The following PGK1 variants were observed in gnomAD, a reference collection of about 807,000 sequenced individuals.
PGK1 encodes PRP 2.
Under a neutral mutation model 26.9 loss-of-function variants are expected in PGK1, and 3 were observed. The ratio of observed to expected loss-of-function variants is 0.11; its 90% CI spans 0.05 to 0.29. PGK1 has a LOEUF of 0.29. Ranked by LOEUF, PGK1 falls within the 10% of genes least tolerant of loss-of-function variation. The probability of loss-of-function intolerance (pLI) is 1.00; values close to 1 mark genes in which losing one functional copy is unlikely to be tolerated. For missense variants in PGK1, 270 were observed against 314.7 expected (o/e 0.86, Z 1.07); for synonymous variants, 125 against 115.3 (o/e 1.08, Z -0.54).
Position 78,128,400 on chromosome X carries a change from G to A in PGK1, c.*2570G>A, listed in dbSNP as rs2078392482. On this transcript the variant is annotated 3_prime_UTR_variant, in exon 11 of 11. Coordinates refer to ENST00000373316, the MANE Select transcript of PGK1 (RefSeq NM_000291.4). ...TCTACCAAAAATACAAAAATTAGCC[G>A]GGCGTGGTGGCGTGTGCCACTGTAG... is the stretch of plus-strand genomic sequence containing the variant. 1 of 112,497 alleles carries A rather than the reference G, an allele frequency of 8.9e-6. No homozygotes were observed. Among genetic ancestry groups the A allele is most frequent in the African/African-American group, 3.2e-5 (1 of 30,888 alleles). The allele number at this position is 112,497 out of a possible 1,213,427, so 9.3% of individuals were successfully genotyped here.
At chrX:78,107,897 T>G (rs929534206) in intron 1 of PGK1, among the ~76,000 whole-genome samples, 1 of 109,771 alleles carries the variant, frequency 9.1e-6, no homozygotes, top group Non-Finnish European at 1.9e-5. Flanking sequence ...TTTTTCGTTC[T>G]GATGGATATG....
chrX:78,109,760 A>G (rs782597917), intron 1 of PGK1, 107 bp from the exon 2 acceptor site: 51 of 597,583 alleles, frequency 8.5e-5, no homozygotes, highest in African/African-American at 7.7e-4. Flanking sequence ...ATTATTTTTA[A>G]GATGAGATTT....
intron 9 of PGK1, 89 bp downstream of exon 9, chrX:78,125,140 C>G: frequency 1.2e-6 from 1 of 865,503 alleles, no homozygotes; most frequent in East Asian, 3.1e-5. Flanking sequence ...TTCTATGTCT[C>G]TTTATTCTGG....
intron 1 of PGK1, among the ~76,000 whole-genome samples, chrX:78,109,542 A>T (rs782158326): frequency 7.5e-4 from 82 of 109,744 alleles, no homozygotes; most frequent in Middle Eastern, 9.2e-3. Flanking sequence ...TTTTTTTTTT[A>T]AAATTCTTTT....
At chrX:78,115,775 G>T (rs2078323641) in intron 4 of PGK1, among the ~76,000 whole-genome samples, 1 of 112,460 alleles carries the variant, frequency 8.9e-6, no homozygotes, top group Admixed American at 9.4e-5. Context: ...ATCAGTAAAT[G>T]AGAAATGGGT....
At position 78,123,245 on chromosome X, in the gene PGK1, A is replaced by G; in HGVS notation, c.807A>G (p.Leu269=). The change falls in exon 8 of 11, where the codon CTA becomes CTG. Residue 269 remains leucine (L), a synonymous_variant. Transcript: ENST00000373316. ...AGGGAGCCAAGATTGTCAAAGACCT[A>G]ATGTCCAAAGCTGAGAAGAATGGTG... ...DEEGAKIVKD[L]MSKAEKNGVK... The G allele has an allele frequency of 1.7e-6, 2 of 1,206,480 alleles. No homozygotes were observed. The highest frequency in any genetic ancestry group is 1.1e-6 in the Non-Finnish European group (1 of 891,007).
chrX:78,125,318 A>C lies in PGK1; in HGVS notation c.1115-9A>C, dbSNP rs782157144. ...TCTTTTCCCTTTTTACCTGGCTTTC[A>C]TTCAACAGGTGGTGGAGACACTGCC... On this transcript the variant is annotated splice_polypyrimidine_tract_variant and intron_variant, in intron 9 of 10. Coordinates refer to ENST00000373316, the MANE Select transcript of PGK1 (RefSeq NM_000291.4). 1.2e-5 allele frequency: 14 copies of C among 1,172,922 alleles called. No homozygotes were observed. The highest frequency in any genetic ancestry group is 8.1e-6 in the Non-Finnish European group (7 of 861,331).
At chrX:78,112,571 A>T (rs1261826601) in intron 2 of PGK1, among the ~76,000 whole-genome samples, 1 of 112,322 alleles carries the variant, frequency 8.9e-6, no homozygotes, top group Non-Finnish European at 1.9e-5. Context: ...GTGACTTAGG[A>T]TCTATTAATA....
At position 78,123,248 on chromosome X, in the gene PGK1, G is replaced by A; in HGVS notation, c.810G>A (p.Met270Ile). The change falls in exon 8 of 11, where the codon ATG (methionine) becomes ATA (isoleucine). Residue 270 changes from methionine (M) to isoleucine (I), a missense_variant. Met to Ile is a conservative substitution (Grantham distance 10). Coordinates refer to ENST00000373316, the MANE Select transcript of PGK1 (RefSeq NM_000291.4). ...EEGAKIVKDL[M>I]SKAEKNGVKI... ...GAGCCAAGATTGTCAAAGACCTAAT[G>A]TCCAAAGCTGAGAAGAATGGTGTGA... The A allele has an allele frequency of 8.3e-7, 1 of 1,205,027 alleles. No homozygotes were observed. The highest frequency in any genetic ancestry group is 1.1e-6 in the Non-Finnish European group (1 of 889,625).
chrX:78,125,126 C>G (rs1010588426), intron 9 of PGK1, 75 bp downstream of exon 9: 2 of 920,395 alleles, frequency 2.2e-6, no homozygotes, highest in Non-Finnish European at 3.2e-6. Flanking sequence ...GAATGGAGAA[C>G]TTCTTCTATG....
intron 8 of PGK1, among the ~76,000 whole-genome samples, chrX:78,123,924 G>A (rs2078369900): frequency 9.0e-6 from 1 of 111,582 alleles, no homozygotes; most frequent in Admixed American, 9.5e-5. Context: ...AGTTTTATCT[G>A]TTTTTTCTTC....
intron 1 of PGK1, among the ~76,000 whole-genome samples, chrX:78,107,048 G>C (rs782322681): frequency 1.8e-5 from 2 of 111,184 alleles, no homozygotes; most frequent in Admixed American, 9.6e-5. Context: ...TCCTTTGAGA[G>C]TTTTTAATGG....
At chrX:78,108,582 T>C (rs1300997307) in intron 1 of PGK1, among the ~76,000 whole-genome samples, 1 of 112,127 alleles carries the variant, frequency 8.9e-6, no homozygotes, top group Non-Finnish European at 1.9e-5. Context: ...AGTTCAGGCC[T>C]AGTGGATATA....
rs1381620142 is a variant in PGK1, at chrX:78,128,027, TCTA to T, written c.*2200_*2202del. On this transcript the variant is annotated 3_prime_UTR_variant, in exon 11 of 11. Coordinates refer to ENST00000373316, the MANE Select transcript of PGK1 (RefSeq NM_000291.4). The stretch of plus-strand genomic sequence containing the variant: ...CTCTGACTGTACCTTTTAAGTACTT[TCTA>T]CTGGACTGTTTCCAGGATCACCCCT... 8.9e-6 allele frequency: 1 copy of T among 112,653 alleles called. No individual in the cohort carries two copies. The highest frequency in any genetic ancestry group is 1.9e-5 in the Non-Finnish European group (1 of 53,389). 9.3% of individuals were successfully genotyped at this position (112,653 alleles called of 1,213,427 possible).
intron 1 of PGK1, among the ~76,000 whole-genome samples, chrX:78,104,857 C>A (rs2078262311): frequency 9.0e-6 from 1 of 111,413 alleles, no homozygotes; most frequent in Non-Finnish European, 1.9e-5. Flanking sequence ...CAGGTTCCTG[C>A]ACAAAAGGAT....
intron 8 of PGK1, among the ~76,000 whole-genome samples, chrX:78,123,736 G>A (rs1295289974): frequency 9.2e-6 from 1 of 108,864 alleles, no homozygotes; most frequent in East Asian, 2.9e-4. Context: ...ACCCTCCCCA[G>A]TAGCTGGGAC....
chrX:78,107,793 A>G (rs781887011), intron 1 of PGK1, among the ~76,000 whole-genome samples: 2 of 111,294 alleles, frequency 1.8e-5, no homozygotes, highest in South Asian at 7.5e-4. Flanking sequence ...AGGTATCCCC[A>G]GACTGTTTTC....
At chrX:78,113,684 T>C in intron 2 of PGK1, 60 bp from the exon 3 acceptor site, 1 of 1,049,590 alleles carries the variant, frequency 9.5e-7, no homozygotes, top group Non-Finnish European at 1.3e-6. Flanking sequence ...ATCAATAAGC[T>C]AGTTCCCACT....
At chrX:78,123,136 G>C in intron 7 of PGK1, 59 bp from the exon 8 acceptor site, 1 of 930,697 alleles carries the variant, frequency 1.1e-6, no homozygotes, top group Non-Finnish European at 1.6e-6. Flanking sequence ...TCTGCTTTGT[G>C]AGGCAGTCTT....
Sources: gnomAD v4.1 joint callset for allele counts (sites outside exome capture counted in the v4.1 genomes callset) on GRCh38, gnomAD v4.1.1 for gene constraint, MANE v1.5 for transcripts, NCBI Gene and HGNC (gene_info 2026-07-23, HGNC 2026-07-21) for gene names.